The following ZBTB10 variants were observed in gnomAD, a reference collection of about 807,000 sequenced individuals.
ZBTB10 encodes zinc finger and BTB domain-containing protein 10.
In ZBTB10, 32 loss-of-function variants were observed where a neutral mutation model predicts 76.4. The observed-to-expected ratio is 0.42, with a 90% CI of 0.32 to 0.56. The LOEUF (loss-of-function observed/expected upper bound fraction) is 0.56, where lower values mean the gene tolerates loss of function less well. ZBTB10 is among the 20% of genes least tolerant of loss of function. The probability of loss-of-function intolerance (pLI) is 0.14; values close to 1 mark genes in which losing one functional copy is unlikely to be tolerated. For synonymous variants in ZBTB10, 523 were observed against 432.9 expected, an observed-to-expected ratio of 1.21 and a Z score of -2.58; for missense variants, 1,057 against 1,098.5, an observed-to-expected ratio of 0.96 and a Z score of 0.53.
Position 80,487,514 on chromosome 8 carries a change from C to G in ZBTB10, c.704C>G (p.Pro235Arg), listed in dbSNP as rs764512748. The G allele has an allele frequency of 1.1e-5, 17 of 1,563,422 alleles. No homozygotes were observed. The highest frequency in any genetic ancestry group is 1.4e-5 in the Non-Finnish European group (16 of 1,153,676). ...GAAGGAGAGACTGTCCAGCACTTCC[C>G]GCTCGCGCGGCCCAAGTCTCTAATG... ...AGEGETVQHF[P>R]LARPKSLMQK... is the part of the protein sequence containing the mutation. The change falls in exon 1 of 6, where the codon CCG becomes CGG. Residue 235 changes from proline to arginine, a missense_variant. Transcript: ENST00000455036.
chr8:80,509,264 C>T (rs1187308233), intron 2 of ZBTB10, among the ~76,000 whole-genome samples: 1 of 152,164 alleles, frequency 6.6e-6, no homozygotes, highest in African/African-American at 2.4e-5. Context: ...GTAAGAGAAA[C>T]TTGTGCTAAT....
chr8:80,486,886 T>C lies in ZBTB10; in HGVS notation c.76T>C (p.Ser26Pro). 1 of 1,511,008 alleles carries C rather than the reference T, an allele frequency of 6.6e-7. No homozygotes were observed. The highest frequency in any genetic ancestry group is 8.8e-7 in the Non-Finnish European group (1 of 1,132,392). 93.6% of individuals were successfully genotyped at this position (1,511,008 alleles called of 1,614,324 possible). ...GTTGGTCACCGCTAGCGGCGGCGGC[T>C]CCACGAACAATAACGCTGGCGGGGA... The part of the protein sequence containing the change: ...GGLVTASGGG[S>P]TNNNAGGEAS... Residue 26 changes from serine to proline, a missense_variant, in exon 1 of 6, where the codon TCC becomes CCC. Coordinates refer to ENST00000455036, the MANE Select transcript of ZBTB10 (RefSeq NM_001105539.3).
chr8:80,500,861 G>C (rs1815906404), intron 2 of ZBTB10, among the ~76,000 whole-genome samples: 1 of 152,048 alleles, frequency 6.6e-6, no homozygotes, highest in African/African-American at 2.4e-5. Flanking sequence ...AGTTTGTTTA[G>C]GGCTACTGTT....
intron 1 of ZBTB10, among the ~76,000 whole-genome samples, chr8:80,499,190 CTTTTTA>C (rs896441332): frequency 4.6e-5 from 7 of 152,042 alleles, no homozygotes; most frequent in African/African-American, 1.7e-4. Flanking sequence ...AATAATTGCT[CTTTTTA>C]ATTTTAATTT....
intron 2 of ZBTB10, among the ~76,000 whole-genome samples, chr8:80,502,524 G>T (rs74432774): frequency 0.016 from 2,504 of 152,172 alleles, 74 homozygotes; most frequent in African/African-American, 0.057. Flanking sequence ...GTGAGCCACC[G>T]TGCCCAGCCG....
intron 1 of ZBTB10, among the ~76,000 whole-genome samples, chr8:80,493,849 T>C (rs1025268774): frequency 2.0e-5 from 3 of 152,078 alleles, no homozygotes; most frequent in Admixed American, 2.0e-4. Context: ...AAAAATAACC[T>C]GAATAACCAT....
intron 2 of ZBTB10, among the ~76,000 whole-genome samples, chr8:80,509,608 T>C (rs374578403): frequency 9.2e-5 from 14 of 152,266 alleles, no homozygotes; most frequent in African/African-American, 3.4e-4. Context: ...CCAAGATTAG[T>C]CTTGTCTTTA....
At chr8:80,494,434 G>A (rs573703298) in intron 1 of ZBTB10, among the ~76,000 whole-genome samples, 71 of 152,186 alleles carry the variant, frequency 4.7e-4, no homozygotes, top group Admixed American at 1.0e-3. Flanking sequence ...CTACAAGTTG[G>A]TGGCGTTGTT....
chr8:80,487,404 G>GGCGGAAGGCGGCAGCTGC lies in ZBTB10; in HGVS notation c.595_612dup (p.Ala199_Cys204dup). 1 of 1,537,674 alleles carries GGCGGAAGGCGGCAGCTGC rather than the reference G, an allele frequency of 6.5e-7. No individual in the cohort carries two copies. ...GGGCGAGCCTGGGCGACGGCAGCGG[G>GGCGGAAGGCGGCAGCTGC]GCGGAAGGCGGCAGCTGCAGCAGCA... On this transcript the variant is annotated inframe_insertion, in exon 1 of 6. Coordinates refer to ENST00000455036, the MANE Select transcript of ZBTB10 (RefSeq NM_001105539.3).
intron 1 of ZBTB10, among the ~76,000 whole-genome samples, chr8:80,498,906 A>G (rs971305601): frequency 4.5e-4 from 69 of 152,256 alleles, no homozygotes; most frequent in African/African-American, 1.7e-3. Context: ...AGGAAATTAT[A>G]TAACTAGATA....
intron 2 of ZBTB10, 51 bp from the exon 3 acceptor site, chr8:80,513,859 T>C: frequency 7.0e-7 from 1 of 1,427,016 alleles, no homozygotes; most frequent in East Asian, 2.3e-5. Context: ...GTGTTTTGGG[T>C]GGTGGCTATG....
rs971324517 is a variant in ZBTB10 at position 80,524,813 on chromosome 8, T to C, written c.*5285T>C. 1.4e-4 allele frequency: 21 copies of C among 151,998 alleles called. No individual in the cohort carries two copies. Among genetic ancestry groups the C allele is most frequent in the Admixed American group, 1.4e-3 (21 of 15,230 alleles). 9.4% of individuals were successfully genotyped at this position (151,998 alleles called of 1,614,324 possible). A position where few individuals can be genotyped will look rare whatever the true frequency, so the allele number is the denominator to read the frequency against. ...GGTTTTTAATTATCCAAAGATGAAATGGGGCTGCTTCAGAAAAAGGTCTAC... is the reference window on the plus strand; with the variant it reads ...GGTTTTTAATTATCCAAAGATGAAACGGGGCTGCTTCAGAAAAAGGTCTAC... On this transcript the variant is annotated 3_prime_UTR_variant, in exon 6 of 6. Coordinates refer to ENST00000455036, the MANE Select transcript of ZBTB10 (RefSeq NM_001105539.3).
chr8:80,507,801 A>C (rs1327950473), intron 2 of ZBTB10, among the ~76,000 whole-genome samples: 1 of 151,862 alleles, frequency 6.6e-6, no homozygotes, highest in Non-Finnish European at 1.5e-5. Flanking sequence ...GGGTCTCGTT[A>C]TGTTGCCCAC....
At chr8:80,493,655 T>G (rs1815703895) in intron 1 of ZBTB10, among the ~76,000 whole-genome samples, 1 of 146,284 alleles carries the variant, frequency 6.8e-6, no homozygotes, top group Admixed American at 6.8e-5. Context: ...CGTCTCTAAT[T>G]TAAAAACAAA....
chr8:80,510,137 A>G (rs1343788489), intron 2 of ZBTB10, among the ~76,000 whole-genome samples: 1 of 152,228 alleles, frequency 6.6e-6, no homozygotes, highest in Non-Finnish European at 1.5e-5. Context: ...TGTTAAATAA[A>G]GGGAAGGTAA....
chr8:80,485,779 A>T, upstream of ZBTB10: 6 of 1,534,532 alleles, frequency 3.9e-6, no homozygotes, highest in Non-Finnish European at 5.2e-6. Context: ...ACCCACCCTC[A>T]GCAAATGACA....
At chr8:80,487,853 C>T (rs1479722941) in intron 1 of ZBTB10, 71 bp downstream of exon 1, 4 of 1,467,226 alleles carry the variant, frequency 2.7e-6, no homozygotes, top group Non-Finnish European at 9.0e-7. Flanking sequence ...CCTTCACCCC[C>T]ACCCACCCCC....
rs1816412280 is a variant in ZBTB10 at position 80,519,726 on chromosome 8, T to C, written c.*198T>C. On this transcript the variant is annotated 3_prime_UTR_variant, in exon 6 of 6. Transcript: ENST00000455036. ...CACAGGACTATACAGCAAACAACCA[T>C]GTGGTTGGATTACATGGAGTCCCCA... The C allele has an allele frequency of 5.9e-6, 3 of 511,374 alleles. No individual in the cohort carries two copies. Among genetic ancestry groups the C allele is most frequent in the East Asian group, 5.9e-5 (2 of 33,616 alleles). 31.7% of individuals were successfully genotyped at this position (511,374 alleles called of 1,614,324 possible).
chr8:80,510,641 T>TGTGGGGGG (rs144657712), intron 2 of ZBTB10, among the ~76,000 whole-genome samples: 49 of 60,090 alleles, frequency 8.2e-4, no homozygotes, highest in African/African-American at 2.2e-3. Flanking sequence ...GTGAAACCAG[T>TGTGGGGGG]GTGTGTGTGT....
Sources: allele counts gnomAD v4.1 joint callset (sites outside exome capture counted in the v4.1 genomes callset), GRCh38; gene constraint gnomAD v4.1.1; transcripts MANE v1.5; gene names NCBI Gene and HGNC (gene_info 2026-07-23, HGNC 2026-07-21).